VPS13A: variants seen among roughly 807,000 people sequenced by gnomAD.
VPS13A encodes vacuolar protein sorting 13 homolog A, also known as intermembrane lipid transfer protein VPS13A.
VPS13A carries 264 observed loss-of-function variants against 390.9 expected under a neutral mutation model. The observed-to-expected ratio is 0.68, with a 90% confidence interval of 0.61 to 0.75. VPS13A has a LOEUF of 0.75. VPS13A is among the 30% of genes least tolerant of loss of function. The probability of loss-of-function intolerance (pLI) is 0.00; values close to 1 mark genes in which losing one functional copy is unlikely to be tolerated. For synonymous variants in VPS13A, 1,231 were observed against 1,227.1 expected (o/e 1.00, Z -0.07); for missense variants, 3,409 against 3,733.9 (o/e 0.91, Z 2.27).
intron 50 of VPS13A, among the ~76,000 whole-genome samples, chr9:77,343,704 G>A (rs1400169004): frequency 6.6e-6 from 1 of 152,166 alleles, no homozygotes; most frequent in African/African-American, 2.4e-5. Flanking sequence ...TTGACAACCA[G>A]ATGCTAGATT....
chr9:77,242,762 C>G (rs937056732), intron 19 of VPS13A, among the ~76,000 whole-genome samples: 3 of 151,536 alleles, frequency 2.0e-5, no homozygotes, highest in African/African-American at 7.3e-5. Context: ...ATTTATTTAC[C>G]TCAACTTTTA....
intron 47 of VPS13A, chr9:77,338,872 G>C (rs1413152216): frequency 3.3e-5 from 5 of 152,380 alleles, no homozygotes; most frequent in African/African-American, 9.7e-5. Flanking sequence ...GTTTCCAAAG[G>C]GTGTGATCAG....
intron 7 of VPS13A, among the ~76,000 whole-genome samples, chr9:77,211,816 A>G (rs535708676): frequency 6.6e-6 from 1 of 152,212 alleles, no homozygotes; most frequent in East Asian, 1.9e-4. Context: ...GGTTGCAGCA[A>G]TCTGTGTTTT....
intron 33 of VPS13A, among the ~76,000 whole-genome samples, chr9:77,300,679 CT>C (rs1456012908): frequency 3.9e-5 from 6 of 152,218 alleles, no homozygotes; most frequent in Non-Finnish European, 8.8e-5. Flanking sequence ...CTGCAGTGAC[CT>C]GTGTTAATGC....
At chr9:77,378,170 C>T (rs551850928) in intron 67 of VPS13A, among the ~76,000 whole-genome samples, 4 of 152,170 alleles carry the variant, frequency 2.6e-5, no homozygotes, top group Admixed American at 2.6e-4. Flanking sequence ...ATTGTCCTCA[C>T]AGAATGATTT....
rs564993777 is a variant in VPS13A at position 77,255,117 on chromosome 9, C to T, written c.2288+2765C>T. On this transcript the variant is annotated intron_variant, in intron 22 of 71. Transcript: ENST00000360280. ...AGTATTTCACCATTGAGTATGATGT[C>T]AGCTGTGGGGTTTTTATGGATGACC... 1.5e-3 allele frequency among the ~76,000 whole-genome samples: 234 copies of T among 152,208 alleles called. 1 individual carries two copies. Among genetic ancestry groups the T allele is most frequent in the African/African-American group, 5.4e-3 (225 of 41,538 alleles).
chr9:77,250,189 T>C lies in VPS13A; in HGVS notation c.2130T>C (p.Asp710=). 1 of 1,613,888 alleles carries C rather than the reference T, an allele frequency of 6.2e-7. No homozygotes were observed. Among genetic ancestry groups the C allele is most frequent in the Non-Finnish European group, 8.5e-7 (1 of 1,179,914 alleles). ...EIMDRAYDSF[D]IQLTSVQLLY... is the part of the protein sequence containing the mutation. ...TGGATAGAGCTTATGATTCATTTGA[T>C]ATTCAACTTACAAGTGTACAGCTGC... The change falls in exon 21 of 72, where the codon GAT becomes GAC. Residue 710 remains aspartate (D), a synonymous_variant. Transcript: ENST00000360280.
In VPS13A at chr9:77,337,433, T is replaced by C; in HGVS notation, c.6274T>C (p.Ser2092Pro). ...AGAAAAAGATAATTTAACATCTCTATCAGTGTATTCAGAAGATGGTTGGGA... is the reference window on the plus strand; with the variant it reads ...AGAAAAAGATAATTTAACATCTCTACCAGTGTATTCAGAAGATGGTTGGGA... ...VPEKDNLTSLSVYSEDGWDLP... is the reference protein window; with the variant it reads ...VPEKDNLTSLPVYSEDGWDLP... Residue 2092 changes from serine (S) to proline (P), a missense_variant, in exon 47 of 72, where the codon TCA becomes CCA. Ser to Pro is a moderately conservative substitution (Grantham distance 74). Coordinates refer to ENST00000360280, the MANE Select transcript of VPS13A (RefSeq NM_033305.3). 2 of 1,613,028 alleles carry C rather than the reference T, an allele frequency of 1.2e-6. No homozygotes were observed. The highest frequency in any genetic ancestry group is 1.7e-6 in the Non-Finnish European group (2 of 1,179,150).
intron 67 of VPS13A, among the ~76,000 whole-genome samples, chr9:77,374,290 C>T (rs1045193920): frequency 2.0e-5 from 3 of 152,006 alleles, no homozygotes; most frequent in Non-Finnish European, 2.9e-5. Context: ...TTAAATTAGG[C>T]TCAGTAAGAT....
At chr9:77,402,742 A>G (rs1374197045) in intron 68 of VPS13A, among the ~76,000 whole-genome samples, 3 of 152,232 alleles carry the variant, frequency 2.0e-5, no homozygotes, top group Admixed American at 1.3e-4. Flanking sequence ...CTGTTTGTCC[A>G]GAAACTCTCT....
At chr9:77,248,400 A>C (rs59583358) in intron 20 of VPS13A, among the ~76,000 whole-genome samples, 2,715 of 151,652 alleles carry the variant, frequency 0.018, 54 homozygotes, top group African/African-American at 0.049. Flanking sequence ...TGTGATTTTT[A>C]GTAGAGACTG....
chr9:77,401,910 C>G (rs963249929), intron 68 of VPS13A, among the ~76,000 whole-genome samples: 1 of 152,090 alleles, frequency 6.6e-6, no homozygotes, highest in Admixed American at 6.5e-5. Flanking sequence ...TAATCTCTTA[C>G]TGTGCCTAAT....
intron 23 of VPS13A, among the ~76,000 whole-genome samples, 193 bp downstream of exon 23, chr9:77,260,417 G>A (rs770964722): frequency 1.4e-5 from 2 of 145,818 alleles, no homozygotes; most frequent in Non-Finnish European, 3.0e-5. Context: ...GTGCAGTGGC[G>A]TGATCTCTGC....
At chr9:77,223,932 C>CT (rs1199894364) in intron 13 of VPS13A, among the ~76,000 whole-genome samples, 5 of 152,160 alleles carry the variant, frequency 3.3e-5, no homozygotes, top group African/African-American at 1.2e-4. Flanking sequence ...GACAGGCTGA[C>CT]TCTCTTGCTA....
rs557415398 is a variant in VPS13A at position 77,408,083 on chromosome 9, A to G, written c.9474+476A>G. On this transcript the variant is annotated intron_variant, in intron 71 of 71. Transcript: ENST00000360280. The stretch of plus-strand genomic sequence containing the variant: ...AATACTGATTTTGTCCTTCTTGACT[A>G]TAGAATCTTGCAGAAGGTCAACTAA... Among the ~76,000 whole-genome samples, 5 of 152,316 alleles carry G rather than the reference A, an allele frequency of 3.3e-5. No homozygotes were observed. In the South Asian group the frequency reaches 1.0e-3, roughly 32 times the overall value.
intron 22 of VPS13A, 74 bp from the exon 23 acceptor site, chr9:77,260,012 A>G: frequency 1.0e-6 from 1 of 983,470 alleles, no homozygotes; most frequent in Non-Finnish European, 1.5e-6. Flanking sequence ...TAATTTGAGA[A>G]CAGTCTTTTT....
chr9:77,346,012 C>A (rs1298982236), intron 52 of VPS13A, among the ~76,000 whole-genome samples: 3 of 152,242 alleles, frequency 2.0e-5, no homozygotes, highest in Middle Eastern at 3.4e-3. Context: ...ATAATGACTT[C>A]TCTTCCTTTG....
intron 68 of VPS13A, among the ~76,000 whole-genome samples, chr9:77,391,609 C>G (rs1833903774): frequency 6.6e-6 from 1 of 151,970 alleles, no homozygotes; most frequent in African/African-American, 2.4e-5. Flanking sequence ...CTGTAAAGAA[C>G]CCTACGGAAG....
Position 77,369,364 on chromosome 9 carries a change from TAGAGA to T in VPS13A, c.8621_8625del (p.Arg2874IlefsTer3). 6.2e-7 allele frequency: 1 copy of T among 1,613,838 alleles called. No homozygotes were observed. Among genetic ancestry groups the T allele is most frequent in the Non-Finnish European group, 8.5e-7 (1 of 1,179,816 alleles). On this transcript the variant is annotated frameshift_variant, in exon 63 of 72. Transcript: ENST00000360280. LOFTEE classifies it high-confidence loss of function. ...TTTTGGGAAATCCATTTGGCTTAAT[TAGAGA>T]ATTTTCTGAAGGTGTAGAAGCATTT...
Sources: gnomAD v4.1 joint callset for allele counts (sites outside exome capture counted in the v4.1 genomes callset) on GRCh38, gnomAD v4.1.1 for gene constraint, MANE v1.5 for transcripts, NCBI Gene and HGNC (gene_info 2026-07-23, HGNC 2026-07-21) for gene names.